Variants in LMNTD1 observed in about 807,000 individuals in gnomAD.
LMNTD1 encodes the protein lamin tail domain-containing protein 1.
Under a neutral mutation model 50.9 loss-of-function variants are expected in LMNTD1, and 35 were observed. That is an observed-to-expected ratio of 0.69 (90% CI 0.53 to 0.91). LMNTD1 has a LOEUF of 0.91. LMNTD1 is among the 40% of genes least tolerant of loss of function. The pLI, the probability that LMNTD1 is intolerant of heterozygous loss-of-function variation, is 0.00. For synonymous variants in LMNTD1, 153 were observed against 161.9 expected (o/e 0.94, Z 0.42); for missense variants, 470 against 475.5 (o/e 0.99, Z 0.11).
intron 7 of LMNTD1, among the ~76,000 whole-genome samples, chr12:25,519,222 AC>A (rs1941050329): frequency 6.6e-6 from 1 of 152,182 alleles, no homozygotes; most frequent in Non-Finnish European, 1.5e-5. Context: ...CCACCTAAGC[AC>A]TGCTAAAGAC....
At chr12:25,598,473 C>T (rs558493603) in intron 1 of LMNTD1, among the ~76,000 whole-genome samples, 25 of 151,504 alleles carry the variant, frequency 1.7e-4, no homozygotes, top group African/African-American at 5.3e-4. Flanking sequence ...CAAACCAAAC[C>T]CAAAATTAGT....
At chr12:25,583,656 G>A (rs1285693083) in intron 1 of LMNTD1, among the ~76,000 whole-genome samples, 1 of 152,124 alleles carries the variant, frequency 6.6e-6, no homozygotes, top group Non-Finnish European at 1.5e-5. Flanking sequence ...ACCAGCCTCC[G>A]CTGGTAGAGG....
chr12:25,519,064 C>A (rs1591881151), intron 7 of LMNTD1, 97 bp from the exon 8 acceptor site: 1 of 1,140,172 alleles, frequency 8.8e-7, no homozygotes, highest in East Asian at 2.4e-5. Context: ...ATTTCAAAAC[C>A]AAGAGAATAT....
intron 4 of LMNTD1, among the ~76,000 whole-genome samples, chr12:25,541,615 A>T (rs1433778084): frequency 4.8e-5 from 5 of 104,168 alleles, no homozygotes; most frequent in Admixed American, 1.1e-4. Flanking sequence ...AACCATAAAA[A>T]CCCTAGAAGA....
intron 1 of LMNTD1, among the ~76,000 whole-genome samples, chr12:25,640,787 C>T (rs962859532): frequency 2.0e-5 from 3 of 151,974 alleles, no homozygotes; most frequent in Non-Finnish European, 4.4e-5. Context: ...CTAAGCCTCC[C>T]GAGTAGCTGG....
At chr12:25,626,110 G>T (rs1465201900) in intron 1 of LMNTD1, among the ~76,000 whole-genome samples, 8 of 152,108 alleles carry the variant, frequency 5.3e-5, no homozygotes, top group Admixed American at 3.9e-4. Flanking sequence ...AATACTTTGG[G>T]TCTCTCTAAA....
chr12:25,483,550 T>C (rs998832044), intron 9 of LMNTD1, among the ~76,000 whole-genome samples: 1 of 151,756 alleles, frequency 6.6e-6, no homozygotes, highest in African/African-American at 2.4e-5. Flanking sequence ...GGTGGGTGGA[T>C]CATTTGAGGT....
chr12:25,554,123 C>T (rs552479780), upstream of LMNTD1, among the ~76,000 whole-genome samples: 1 of 152,276 alleles, frequency 6.6e-6, no homozygotes, highest in South Asian at 2.1e-4. Flanking sequence ...AGATGAAGCA[C>T]AATTCCTTAT....
intron 1 of LMNTD1, among the ~76,000 whole-genome samples, chr12:25,626,710 C>T (rs1256528620): frequency 6.6e-6 from 1 of 152,102 alleles, no homozygotes; most frequent in Non-Finnish European, 1.5e-5. Flanking sequence ...ACGTGTTTCA[C>T]CTACTACTTC....
At chr12:25,608,255 T>C (rs897014607) in intron 1 of LMNTD1, among the ~76,000 whole-genome samples, 8 of 152,210 alleles carry the variant, frequency 5.3e-5, no homozygotes, top group Non-Finnish European at 1.0e-4. Flanking sequence ...CTCCTGAATA[T>C]AGCACACTGA....
intron 1 of LMNTD1, among the ~76,000 whole-genome samples, chr12:25,607,426 AG>A (rs1391773442): frequency 6.6e-6 from 1 of 152,028 alleles, no homozygotes; most frequent in African/African-American, 2.4e-5. Context: ...TTGTGATGTT[AG>A]GGTGTCAATT....
intron 8 of LMNTD1, among the ~76,000 whole-genome samples, chr12:25,513,375 A>G (rs11832364): frequency 0.2 from 29,700 of 152,204 alleles, 3,160 homozygotes; most frequent in African/African-American, 0.26. Flanking sequence ...GGCCAGGCAC[A>G]GTGGCTCATG....
At chr12:25,527,877 T>G (rs1443168793) in intron 4 of LMNTD1, among the ~76,000 whole-genome samples, 1 of 151,518 alleles carries the variant, frequency 6.6e-6, no homozygotes, top group Admixed American at 6.6e-5. Context: ...AAAACATATT[T>G]GAAGCAAAGC....
At chr12:25,563,679 CA>C (rs879748163) in intron 1 of LMNTD1, among the ~76,000 whole-genome samples, 14 of 152,224 alleles carry the variant, frequency 9.2e-5, no homozygotes, top group Non-Finnish European at 1.6e-4. Context: ...AGCTGTCAGA[CA>C]GGGATGTTTA....
At chr12:25,647,369 T>C (rs1947095583) in intron 1 of LMNTD1, among the ~76,000 whole-genome samples, 1 of 152,178 alleles carries the variant, frequency 6.6e-6, no homozygotes, top group African/African-American at 2.4e-5. Flanking sequence ...CCTGTAGTCC[T>C]TCCCAGCTGC....
intron 1 of LMNTD1, among the ~76,000 whole-genome samples, chr12:25,579,838 C>T (rs1374786301): frequency 6.6e-6 from 1 of 152,066 alleles, no homozygotes; most frequent in East Asian, 1.9e-4. Context: ...GTATAGACTC[C>T]AATCGCATCT....
intron 4 of LMNTD1, among the ~76,000 whole-genome samples, chr12:25,543,396 C>T (rs549911178): frequency 2.0e-5 from 3 of 151,940 alleles, no homozygotes; most frequent in Non-Finnish European, 2.9e-5. Context: ...GGAATTCAAA[C>T]AGTATAGTAA....
At chr12:25,608,145 T>A (rs924157418) in intron 1 of LMNTD1, among the ~76,000 whole-genome samples, 1 of 152,174 alleles carries the variant, frequency 6.6e-6, no homozygotes, top group Admixed American at 6.5e-5. Context: ...TGTCAGAGAC[T>A]AGGATTGCAA....
chr12:25,613,425 C>T (rs1946289745), intron 1 of LMNTD1, among the ~76,000 whole-genome samples: 1 of 152,174 alleles, frequency 6.6e-6, no homozygotes, highest in Admixed American at 6.5e-5. Context: ...GAGGTTAAAA[C>T]AATACCTGAT....
Sources: gnomAD v4.1 joint callset for allele counts (sites outside exome capture counted in the v4.1 genomes callset) on GRCh38, gnomAD v4.1.1 for gene constraint, MANE v1.5 for transcripts, NCBI Gene and HGNC (gene_info 2026-07-23, HGNC 2026-07-21) for gene names.